The following SH3RF1 variants were observed in gnomAD, a reference collection of about 807,000 sequenced individuals.
SH3RF1 encodes the protein E3 ubiquitin-protein ligase SH3RF1.
In SH3RF1, 32 loss-of-function variants were observed where a neutral mutation model predicts 74.0. The observed-to-expected ratio is 0.43, with a 90% CI of 0.33 to 0.58. The LOEUF (loss-of-function observed/expected upper bound fraction) is 0.58, where lower values mean the gene tolerates loss of function less well. Among genes scored for constraint, SH3RF1 ranks in the 20% least tolerant of loss-of-function variants. The probability of loss-of-function intolerance (pLI) is 0.05; values close to 1 mark genes in which losing one functional copy is unlikely to be tolerated. For missense variants in SH3RF1, 954 were observed against 1,130.9 expected (o/e 0.84, Z 2.24); for synonymous variants, 396 against 439.6 (o/e 0.90, Z 1.24).
intron 4 of SH3RF1, among the ~76,000 whole-genome samples, chr4:169,138,186 C>T (rs1733729916): frequency 6.6e-6 from 1 of 152,150 alleles, no homozygotes; most frequent in Admixed American, 6.5e-5. Context: ...AGCTATCCCA[C>T]CTTGAGAATA....
At position 169,096,521 on chromosome 4, in the gene SH3RF1, A is replaced by G. The variant is rs780979211; in HGVS notation, c.2665T>C (p.Ter889ArgextTer3). 1.9e-6 allele frequency: 3 copies of G among 1,613,542 alleles called. No homozygotes were observed. Among genetic ancestry groups the G allele is most frequent in the Non-Finnish European group, 2.5e-6 (3 of 1,179,820 alleles). The part of the protein sequence containing the change: ...LFPGSFVENI[*>R] ...AAGCTTCTTCAGTGTCAGTCTCCTC[A>G]TATGTTTTCCACAAAGCTTCCTGGG... The change falls in exon 12 of 12, where the codon TGA (stop) becomes CGA (arginine). Residue 889 changes from the stop codon to arginine (R), a stop_lost. Transcript: ENST00000284637.
chr4:169,099,920 G>C (rs1433210865), intron 11 of SH3RF1, among the ~76,000 whole-genome samples: 1 of 152,146 alleles, frequency 6.6e-6, no homozygotes, highest in African/African-American at 2.4e-5. Flanking sequence ...AGACTACCAG[G>C]TGCAGGAGTA....
At chr4:169,200,924 C>A (rs1734897074) in intron 2 of SH3RF1, among the ~76,000 whole-genome samples, 1 of 152,010 alleles carries the variant, frequency 6.6e-6, no homozygotes, top group African/African-American at 2.4e-5. Context: ...TTGGCCCTTT[C>A]AAAGTAAAAT....
intron 2 of SH3RF1, among the ~76,000 whole-genome samples, chr4:169,212,057 CTTTTTT>C (rs34108534): frequency 1.7e-4 from 8 of 48,266 alleles, no homozygotes; most frequent in African/African-American, 6.4e-4. Flanking sequence ...CTTTTCTTTT[CTTTTTT>C]TTTTTTTTTT....
chr4:169,221,706 TA>T (rs1331684043), intron 2 of SH3RF1, among the ~76,000 whole-genome samples: 1 of 152,180 alleles, frequency 6.6e-6, no homozygotes, highest in Non-Finnish European at 1.5e-5. Flanking sequence ...AAAAAAAAGT[TA>T]ACTGCTAAAT....
chr4:169,228,691 C>T (rs965356620), intron 2 of SH3RF1, among the ~76,000 whole-genome samples: 1 of 152,144 alleles, frequency 6.6e-6, no homozygotes, highest in Non-Finnish European at 1.5e-5. Context: ...AGGATGTAAA[C>T]ATCTTGAGGG....
At chr4:169,188,206 A>C (rs984802190) in intron 2 of SH3RF1, among the ~76,000 whole-genome samples, 6 of 152,238 alleles carry the variant, frequency 3.9e-5, no homozygotes, top group African/African-American at 1.4e-4. Context: ...GTAATTTGTT[A>C]CAGCACCCCT....
At position 169,261,568 on chromosome 4, in the gene SH3RF1, A is replaced by G. The variant is rs531163266; in HGVS notation, c.393+7252T>C. 3.3e-5 allele frequency among the ~76,000 whole-genome samples: 5 copies of G among 152,020 alleles called. No homozygotes were observed. The South Asian group carries it at 6.3e-4, about 19-fold the overall frequency. On this transcript the variant is annotated intron_variant, in intron 2 of 11. Transcript: ENST00000284637. ...ATGTATAGTGAGCCGTAAACACTCC[A>G]ACTGCACTCCAACCTGGGCAGAAGT...
chr4:169,153,230 A>G (rs934265528), intron 4 of SH3RF1, among the ~76,000 whole-genome samples: 2 of 152,198 alleles, frequency 1.3e-5, no homozygotes, highest in African/African-American at 4.8e-5. Context: ...ACCACTATGC[A>G]TAAGACATAG....
At chr4:169,246,558 ATT>A (rs1730997223) in intron 2 of SH3RF1, among the ~76,000 whole-genome samples, 1 of 152,256 alleles carries the variant, frequency 6.6e-6, no homozygotes, top group Admixed American at 6.5e-5. Context: ...GTGACTGTCT[ATT>A]TAAGCATGCA....
chr4:169,159,929 T>C (rs1734124645), intron 2 of SH3RF1, among the ~76,000 whole-genome samples: 1 of 152,218 alleles, frequency 6.6e-6, no homozygotes, highest in Admixed American at 6.5e-5. Flanking sequence ...CATCTTCTGG[T>C]TGAACAGAAG....
At chr4:169,226,979 C>G (rs749836716) in intron 2 of SH3RF1, among the ~76,000 whole-genome samples, 2 of 151,968 alleles carry the variant, frequency 1.3e-5, no homozygotes, top group Non-Finnish European at 2.9e-5. Flanking sequence ...CCACCCTGGT[C>G]AACATAACAA....
At chr4:169,270,285 C>G (rs1731425676) in intron 1 of SH3RF1, among the ~76,000 whole-genome samples, 1 of 152,088 alleles carries the variant, frequency 6.6e-6, no homozygotes, top group Admixed American at 6.5e-5. Flanking sequence ...CAGGGAGGCG[C>G]GGCGGCCGCT....
At chr4:169,144,546 T>C (rs560076386) in intron 4 of SH3RF1, among the ~76,000 whole-genome samples, 2 of 152,258 alleles carry the variant, frequency 1.3e-5, no homozygotes, top group Admixed American at 1.3e-4. Flanking sequence ...ACATCTTTTC[T>C]GACTCATGAT....
At chr4:169,226,250 A>G (rs1730652205) in intron 2 of SH3RF1, among the ~76,000 whole-genome samples, 1 of 152,202 alleles carries the variant, frequency 6.6e-6, no homozygotes, top group African/African-American at 2.4e-5. Flanking sequence ...TATAGATAAA[A>G]GAGTATATTT....
chr4:169,249,089 A>C (rs1414910996), intron 2 of SH3RF1, among the ~76,000 whole-genome samples: 2 of 152,044 alleles, frequency 1.3e-5, no homozygotes, highest in South Asian at 4.1e-4. Flanking sequence ...TTAGCCAGGC[A>C]TGGTGGTGGG....
intron 2 of SH3RF1, among the ~76,000 whole-genome samples, chr4:169,187,539 T>C (rs1457534381): frequency 1.5e-5 from 2 of 134,142 alleles, no homozygotes; most frequent in African/African-American, 5.8e-5. Context: ...TGTGTGTGTG[T>C]GTGTGTGTGT....
chr4:169,187,988 G>A (rs1367580741), intron 2 of SH3RF1, among the ~76,000 whole-genome samples: 1 of 152,114 alleles, frequency 6.6e-6, no homozygotes, highest in Non-Finnish European at 1.5e-5. Context: ...AGAAGGCTGG[G>A]TGGTGAGAGG....
intron 11 of SH3RF1, among the ~76,000 whole-genome samples, chr4:169,099,967 G>A (rs2706744): frequency 0.5 from 76,020 of 152,014 alleles, 21,507 homozygotes; most frequent in Middle Eastern, 0.66. Context: ...CTCAGGTCCT[G>A]ATCTTGAGCC....
Sources: allele counts gnomAD v4.1 joint callset (sites outside exome capture counted in the v4.1 genomes callset), GRCh38; gene constraint gnomAD v4.1.1; transcripts MANE v1.5; gene names NCBI Gene and HGNC (gene_info 2026-07-23, HGNC 2026-07-21).